The following ODAD2 variants were observed in gnomAD, a reference collection of about 807,000 sequenced individuals.
ODAD2 encodes outer dynein arm docking complex subunit 2.
ODAD2 carries 89 observed loss-of-function variants against 106.8 expected under a neutral mutation model. The ratio of observed to expected loss-of-function variants is 0.83; its 90% CI spans 0.70 to 0.99. The LOEUF is 0.99. ODAD2 is among the 50% of genes least tolerant of loss of function. The pLI is 0.00. For missense variants in ODAD2, 1,168 were observed against 1,238.5 expected (o/e 0.94, Z 0.85); for synonymous variants, 404 against 436.2 (o/e 0.93, Z 0.92).
intron 16 of ODAD2, among the ~76,000 whole-genome samples, chr10:27,916,167 G>T (rs534934838): frequency 2.0e-5 from 3 of 152,222 alleles, no homozygotes; most frequent in Middle Eastern, 3.4e-3. Context: ...AAGTGTGAAA[G>T]AAAGTGCCAA....
chr10:27,907,810 G>T, intron 16 of ODAD2, 33 bp from the exon 17 acceptor site: 1 of 1,360,108 alleles, frequency 7.4e-7, no homozygotes, highest in Non-Finnish European at 1.1e-6. Context: ...GATATAAACT[G>T]TCATTAGTAT....
intron 1 of ODAD2, 136 bp downstream of exon 1, chr10:27,998,858 A>T (rs1850717393): frequency 6.6e-6 from 1 of 152,634 alleles, no homozygotes. Context: ...ACGCGGGTCA[A>T]CACTGCGCGC....
At chr10:27,933,267 A>T (rs1021378452) in intron 16 of ODAD2, among the ~76,000 whole-genome samples, 2 of 152,164 alleles carry the variant, frequency 1.3e-5, no homozygotes, top group Non-Finnish European at 2.9e-5. Flanking sequence ...CAAACTAAAC[A>T]AAACAAATAA....
chr10:27,927,914 A>C (rs756734006), intron 16 of ODAD2, among the ~76,000 whole-genome samples: 1 of 152,020 alleles, frequency 6.6e-6, no homozygotes, highest in Non-Finnish European at 1.5e-5. Context: ...TCCATGACAT[A>C]AGTTACCAAA....
At chr10:27,987,719 A>C (rs1849962967) in intron 2 of ODAD2, among the ~76,000 whole-genome samples, 176 bp from the exon 3 acceptor site, 1 of 152,066 alleles carries the variant, frequency 6.6e-6, no homozygotes, top group African/African-American at 2.4e-5. Context: ...CAAACTCTTA[A>C]ATCCTCAAAC....
chr10:27,984,600 T>A (rs1849760645), intron 4 of ODAD2, among the ~76,000 whole-genome samples: 1 of 152,200 alleles, frequency 6.6e-6, no homozygotes, highest in African/African-American at 2.4e-5. Context: ...TGCATTATAA[T>A]TTAATAATTT....
intron 16 of ODAD2, among the ~76,000 whole-genome samples, chr10:27,910,676 G>A (rs1843944831): frequency 6.6e-6 from 1 of 152,112 alleles, no homozygotes; most frequent in Non-Finnish European, 1.5e-5. Flanking sequence ...AGGATGACTT[G>A]AGCCCAGGAA....
intron 6 of ODAD2, chr10:27,981,842 G>A (rs554496276): frequency 2.0e-5 from 5 of 251,380 alleles, no homozygotes; most frequent in Non-Finnish European, 3.0e-5. Context: ...CTATATGCAT[G>A]TAAGGCACTC....
intron 9 of ODAD2, among the ~76,000 whole-genome samples, chr10:27,966,855 C>T (rs938399494): frequency 1.3e-5 from 2 of 151,244 alleles, no homozygotes; most frequent in African/African-American, 4.9e-5. Flanking sequence ...CCAAGCACAA[C>T]TAAAAATCTG....
At chr10:27,909,276 C>G (rs1419781541) in intron 16 of ODAD2, among the ~76,000 whole-genome samples, 1 of 152,042 alleles carries the variant, frequency 6.6e-6, no homozygotes, top group Non-Finnish European at 1.5e-5. Context: ...AATAACTTGT[C>G]ATTGCAGTGG....
At chr10:27,834,248 C>T (rs559249838) in intron 19 of ODAD2, among the ~76,000 whole-genome samples, 5 of 152,292 alleles carry the variant, frequency 3.3e-5, no homozygotes, top group South Asian at 2.1e-4. Context: ...TAACATTATA[C>T]GTGCATGTGG....
intron 17 of ODAD2, among the ~76,000 whole-genome samples, chr10:27,872,865 C>A (rs965167278): frequency 7.9e-5 from 12 of 152,100 alleles, no homozygotes; most frequent in African/African-American, 2.9e-4. Flanking sequence ...ATGATGCTGG[C>A]CTCATAAAAT....
intron 19 of ODAD2, among the ~76,000 whole-genome samples, chr10:27,852,173 G>C (rs946687005): frequency 3.4e-4 from 52 of 152,178 alleles, no homozygotes; most frequent in African/African-American, 1.2e-3. Flanking sequence ...TACCAGGAAA[G>C]TTAAAAGTCT....
chr10:27,884,946 C>T (rs182353110), intron 17 of ODAD2, among the ~76,000 whole-genome samples: 2 of 152,034 alleles, frequency 1.3e-5, no homozygotes, highest in Admixed American at 6.6e-5. Flanking sequence ...GAAGGTCTTC[C>T]GAGCTGGTCT....
intron 9 of ODAD2, among the ~76,000 whole-genome samples, chr10:27,962,452 A>G (rs530900474): frequency 8.5e-5 from 13 of 152,324 alleles, no homozygotes; most frequent in African/African-American, 2.9e-4. Flanking sequence ...CCCTAAAGTG[A>G]AAGAGTCTCT....
chr10:27,984,594 T>A (rs974689464), intron 4 of ODAD2, among the ~76,000 whole-genome samples: 1 of 152,172 alleles, frequency 6.6e-6, no homozygotes, highest in Non-Finnish European at 1.5e-5. Context: ...GATATCTGCA[T>A]TATAATTTAA....
At position 27,981,558 on chromosome 10, in the gene ODAD2, C is replaced by A. The variant is rs191594899; in HGVS notation, c.844G>T (p.Val282Phe). The A allele has an allele frequency of 5.2e-6, 8 of 1,543,226 alleles. No homozygotes were observed. The African/African-American group carries it at 1.1e-4, about 22-fold the overall frequency. The change falls in exon 7 of 20, where the codon GTT (valine) becomes TTT (phenylalanine). Residue 282 changes from valine to phenylalanine, a missense_variant. Val to Phe is a conservative substitution (Grantham distance 50). Around this residue, in one of 3 missense-constraint regions of ODAD2, gnomAD observed 430 missense variants for 452.2 expected, o/e 0.95. Transcript: ENST00000305242. ...ATTGAACCTTTTCTCTCATAATTAA[C>A]GTCCCCTTCATCATCTGTTTTGCCC... ...NGGKTDDEGD[V>F]NYERKGSIYK...
chr10:27,833,582 T>C (rs1260384900), intron 19 of ODAD2, among the ~76,000 whole-genome samples: 1 of 152,244 alleles, frequency 6.6e-6, no homozygotes, highest in Admixed American at 6.5e-5. Flanking sequence ...TTATTTTGTC[T>C]TCACATTTGA....
intron 17 of ODAD2, among the ~76,000 whole-genome samples, chr10:27,885,487 G>A (rs1277961861): frequency 1.9e-5 from 2 of 103,970 alleles, no homozygotes; most frequent in African/African-American, 4.0e-5. Context: ...TTCAGGCTGG[G>A]TGACAGAGTG....
Sources: gnomAD v4.1 joint callset for allele counts (sites outside exome capture counted in the v4.1 genomes callset) on GRCh38, gnomAD v4.1.1 for gene constraint, gnomAD v4.1.1 regional missense constraint, MANE v1.5 for transcripts, NCBI Gene and HGNC (gene_info 2026-07-23, HGNC 2026-07-21) for gene names.